DLG2: variants seen among roughly 807,000 people sequenced by gnomAD.
The protein encoded by DLG2 is discs large MAGUK scaffold protein 2.
In DLG2, 45 loss-of-function variants were observed where a neutral mutation model predicts 132.5. The ratio of observed to expected loss-of-function variants is 0.34; its 90% CI spans 0.27 to 0.44. The LOEUF is 0.44. Among genes scored for constraint, DLG2 ranks in the 20% least tolerant of loss-of-function variants. The probability of loss-of-function intolerance (pLI) is 1.00; values close to 1 mark genes in which losing one functional copy is unlikely to be tolerated. For synonymous variants in DLG2, 424 were observed against 419.6 expected, an observed-to-expected ratio of 1.01 and a Z score of -0.13; for missense variants, 1,045 against 1,196.9, an observed-to-expected ratio of 0.87 and a Z score of 1.87.
chr11:85,305,755 C>T (rs577840126), intron 3 of DLG2, among the ~76,000 whole-genome samples: 58 of 152,274 alleles, frequency 3.8e-4, no homozygotes, highest in African/African-American at 1.2e-3. Flanking sequence ...CCTCATGGTC[C>T]GCCCGCCTCG....
chr11:84,718,146 T>C (rs928958989), intron 6 of DLG2, among the ~76,000 whole-genome samples: 1 of 152,132 alleles, frequency 6.6e-6, no homozygotes, highest in African/African-American at 2.4e-5. Flanking sequence ...TTCTGTTAAG[T>C]ATGGTTATAA....
chr11:84,740,368 C>A (rs767389612), intron 6 of DLG2, among the ~76,000 whole-genome samples: 1 of 152,144 alleles, frequency 6.6e-6, no homozygotes. Flanking sequence ...GATATACTTA[C>A]AATCCTTACT....
chr11:85,005,643 T>C (rs2058587221), intron 6 of DLG2, among the ~76,000 whole-genome samples: 1 of 152,206 alleles, frequency 6.6e-6, no homozygotes, highest in African/African-American at 2.4e-5. Context: ...GTGACGGGGT[T>C]TTCTAAATAT....
chr11:83,789,867 T>C lies in DLG2; in HGVS notation c.1723-3075A>G, dbSNP rs917487531. ...GACTCTTTTATACATAAAAGTGAAA[T>C]AGTTATGGCAGCAAAAGATTTTGAT... is the stretch of plus-strand genomic sequence containing the variant. On this transcript the variant is annotated intron_variant, in intron 17 of 27. Coordinates refer to ENST00000376104, the MANE Select transcript of DLG2 (RefSeq NM_001142699.3). 22 of 510,664 alleles carry C rather than the reference T, an allele frequency of 4.3e-5. No homozygotes were observed. The South Asian group carries it at 9.2e-4, about 21-fold the overall frequency. 31.6% of individuals were successfully genotyped at this position (510,664 alleles called of 1,614,324 possible). A position where few individuals can be genotyped will look rare whatever the true frequency, so the allele number is the denominator to read the frequency against.
At chr11:83,699,608 G>C (rs1218449082) in intron 18 of DLG2, among the ~76,000 whole-genome samples, 2 of 151,072 alleles carry the variant, frequency 1.3e-5, no homozygotes, top group African/African-American at 4.9e-5. Flanking sequence ...TACTTGGGAG[G>C]CTGAGGCAGG....
intron 5 of DLG2, among the ~76,000 whole-genome samples, chr11:85,128,067 C>G (rs2075332052): frequency 1.3e-5 from 2 of 152,112 alleles, no homozygotes; most frequent in South Asian, 4.1e-4. Context: ...AGAAAAGCTT[C>G]TTTTGTGCTG....
rs190901984 is a variant in DLG2, at chr11:84,191,949, A to C, written c.574-28438T>G. The stretch of plus-strand genomic sequence containing the variant: ...TGCTGAGCACGGAGTAACATTTTGG[A>C]ATTTCCCCTGGCTATTCTTATCAAC... On this transcript the variant is annotated intron_variant, in intron 8 of 27. Transcript: ENST00000376104. Among the ~76,000 whole-genome samples, 184 of 146,258 alleles carry C rather than the reference A, an allele frequency of 1.3e-3. 2 individuals carry two copies. The highest frequency in any genetic ancestry group is 4.5e-3 in the African/African-American group (180 of 39,892).
chr11:85,325,090 A>G (rs1233720471), intron 3 of DLG2, among the ~76,000 whole-genome samples: 2 of 135,850 alleles, frequency 1.5e-5, no homozygotes, highest in Admixed American at 7.3e-5. Flanking sequence ...GCACCACGAG[A>G]CTATATCCCA....
intron 19 of DLG2, among the ~76,000 whole-genome samples, chr11:83,552,538 G>C (rs1477904170): frequency 6.6e-6 from 1 of 152,146 alleles, no homozygotes; most frequent in African/African-American, 2.4e-5. Context: ...GATTCATCCA[G>C]ATTTACTAGC....
chr11:83,466,046 G>GA (rs994832370), intron 26 of DLG2, among the ~76,000 whole-genome samples: 4 of 150,350 alleles, frequency 2.7e-5, no homozygotes, highest in African/African-American at 7.3e-5. Flanking sequence ...CTTTGGAGGG[G>GA]AAAAAAAAAG....
chr11:85,302,758 C>T lies in DLG2; in HGVS notation c.41-17393G>A, dbSNP rs2079678454. 3.3e-5 allele frequency among the ~76,000 whole-genome samples: 5 copies of T among 152,030 alleles called. No individual in the cohort carries two copies. In the South Asian group the frequency reaches 1.0e-3, roughly 32 times the overall value. On this transcript the variant is annotated intron_variant, in intron 3 of 27. Transcript: ENST00000376104. ...GTAGAGATGAGATTTGGGAGAATGG[C>T]TGTTGAGGATATAGGAGAATAACCT...
intron 18 of DLG2, among the ~76,000 whole-genome samples, chr11:83,735,009 T>A (rs2091704507): frequency 1.3e-5 from 2 of 152,160 alleles, no homozygotes; most frequent in South Asian, 4.1e-4. Context: ...CACCTGTTTG[T>A]CTTGTCACCT....
intron 7 of DLG2, among the ~76,000 whole-genome samples, chr11:84,403,872 G>GCAT (rs2098839352): frequency 6.6e-6 from 1 of 152,024 alleles, no homozygotes; most frequent in South Asian, 2.1e-4. Flanking sequence ...TCCTATTCCT[G>GCAT]CATACTGGAA....
At chr11:83,564,235 C>G (rs186040584) in intron 19 of DLG2, among the ~76,000 whole-genome samples, 2 of 152,048 alleles carry the variant, frequency 1.3e-5, no homozygotes, top group Admixed American at 6.5e-5. Context: ...AACTTCCACC[C>G]AATTACTTAT....
chr11:84,423,691 T>A (rs573758260), intron 7 of DLG2, among the ~76,000 whole-genome samples: 3 of 152,140 alleles, frequency 2.0e-5, no homozygotes, highest in African/African-American at 7.2e-5. Flanking sequence ...ATAGATTGTT[T>A]AGATTATCTT....
rs189689010 is a variant in DLG2 at position 83,843,007 on chromosome 11, T to C, written c.1566-9237A>G. ...AGATATAAATATGTTTTCATTGATC[T>C]TTCTAAAGAACATATCTTACCATGT... On this transcript the variant is annotated intron_variant, in intron 16 of 27. Transcript: ENST00000376104. Among the ~76,000 whole-genome samples the C allele has an allele frequency of 2.7e-3, 406 of 152,220 alleles. 3 individuals are homozygous for C. Among genetic ancestry groups the C allele is most frequent in the African/African-American group, 9.3e-3 (385 of 41,520 alleles).
rs143288244 is a variant in DLG2, at chr11:83,514,890, G to A, written c.2193+17818C>T. 3.0e-3 allele frequency among the ~76,000 whole-genome samples: 448 copies of A among 151,740 alleles called. 6 individuals are homozygous for A. Among genetic ancestry groups the A allele is most frequent in the African/African-American group, 0.01 (426 of 41,470 alleles). Reference sequence around the variant, plus strand: ...TCCCAGGGATGAAGCCCACTTGACCGTGGATATGCTTTTTGATGTGCTGCT... The same window carrying A: ...TCCCAGGGATGAAGCCCACTTGACCATGGATATGCTTTTTGATGTGCTGCT... On this transcript the variant is annotated intron_variant, in intron 21 of 27. Coordinates refer to ENST00000376104, the MANE Select transcript of DLG2 (RefSeq NM_001142699.3).
At chr11:85,466,157 G>GT (rs557877965) in intron 3 of DLG2, among the ~76,000 whole-genome samples, 1,731 of 152,228 alleles carry the variant, frequency 0.011, 34 homozygotes, top group African/African-American at 0.039. Flanking sequence ...GGGGTTGCTT[G>GT]TTTTTTTCTT....
intron 6 of DLG2, among the ~76,000 whole-genome samples, chr11:84,549,233 G>T (rs1296616951): frequency 6.6e-6 from 1 of 152,196 alleles, no homozygotes; most frequent in Non-Finnish European, 1.5e-5. Context: ...AGAAATCAAA[G>T]CAATGATTTG....
Sources: gnomAD v4.1 joint callset for allele counts (sites outside exome capture counted in the v4.1 genomes callset) on GRCh38, gnomAD v4.1.1 for gene constraint, MANE v1.5 for transcripts, NCBI Gene and HGNC (gene_info 2026-07-23, HGNC 2026-07-21) for gene names.